Variants in CCDC102B observed in about 807,000 individuals in gnomAD.
CCDC102B encodes coiled-coil domain containing 102B.
Under a neutral mutation model 57.4 loss-of-function variants are expected in CCDC102B, and 75 were observed. The observed-to-expected ratio is 1.31, with a 90% confidence interval of 1.08 to 1.58. The LOEUF is 1.58. Among genes scored for constraint, CCDC102B ranks in the 40% most tolerant of loss-of-function variants. CCDC102B has a pLI of 0.00. For missense variants in CCDC102B, 636 were observed against 582.6 expected (o/e 1.09, Z -0.94); for synonymous variants, 206 against 201.9 (o/e 1.02, Z -0.17).
intron 6 of CCDC102B, among the ~76,000 whole-genome samples, chr18:68,988,904 G>A (rs988389251): frequency 1.3e-5 from 2 of 152,172 alleles, no homozygotes. Flanking sequence ...TGTGTATTGC[G>A]TGGACAACTT....
intron 2 of CCDC102B, among the ~76,000 whole-genome samples, chr18:68,724,696 A>G (rs1231839124): frequency 6.6e-6 from 1 of 152,216 alleles, no homozygotes; most frequent in Non-Finnish European, 1.5e-5. Context: ...AAATTTCTAG[A>G]AAGTTCCAAA....
At chr18:68,790,152 G>T (rs893010863) in intron 2 of CCDC102B, among the ~76,000 whole-genome samples, 12 of 137,226 alleles carry the variant, frequency 8.7e-5, no homozygotes, top group South Asian at 4.7e-4. Flanking sequence ...AGGGGTCAGG[G>T]GTCAGGGACC....
At position 68,811,384 on chromosome 18, in the gene CCDC102B, G is replaced by A. The variant is rs190785885; in HGVS notation, c.-16+13203G>A. ...GCCTGTAATCTCAGCACTTCGTGAG[G>A]TGGGCAGATCACCTGGGATCAGGGG... On this transcript the variant is annotated intron_variant, in intron 1 of 7. Coordinates refer to ENST00000360242, the MANE Select transcript of CCDC102B (RefSeq NM_024781.3). Among the ~76,000 whole-genome samples, 10 of 152,296 alleles carry A rather than the reference G, an allele frequency of 6.6e-5. No individual in the cohort carries two copies. In the South Asian group the frequency reaches 1.4e-3, roughly 22 times the overall value.
At chr18:69,050,666 T>C (rs746918967) in intron 7 of CCDC102B, among the ~76,000 whole-genome samples, 6 of 152,208 alleles carry the variant, frequency 3.9e-5, no homozygotes, top group African/African-American at 4.8e-5. Flanking sequence ...ATTTTAAAGA[T>C]GGAGAGTATT....
chr18:68,865,049 TG>T (rs1221046945), intron 4 of CCDC102B, among the ~76,000 whole-genome samples: 1 of 152,046 alleles, frequency 6.6e-6, no homozygotes, highest in African/African-American at 2.4e-5. Context: ...TGTTTTGCTT[TG>T]TTTTGTTTAT....
At position 68,867,807 on chromosome 18, in the gene CCDC102B, G is replaced by A. The variant is rs907324344; in HGVS notation, c.937-6862G>A. 1.8e-4 allele frequency among the ~76,000 whole-genome samples: 27 copies of A among 147,018 alleles called. 1 individual carries two copies. Among genetic ancestry groups the A allele is most frequent in the Non-Finnish European group, 3.3e-4 (22 of 66,630 alleles). On this transcript the variant is annotated intron_variant, in intron 4 of 7. Transcript: ENST00000360242. ...AAATTAGTCAGGAGTGGTGGCGGGC[G>A]CCTGTAGTCCCAGCTACTCGACAGG...
intron 2 of CCDC102B, among the ~76,000 whole-genome samples, chr18:68,782,992 GA>G (rs2035057936): frequency 6.6e-6 from 1 of 152,098 alleles, no homozygotes; most frequent in Non-Finnish European, 1.5e-5. Context: ...TACATTTAAT[GA>G]GTGTTTACTA....
intron 6 of CCDC102B, chr18:68,992,981 C>A: frequency 6.0e-6 from 1 of 167,532 alleles, no homozygotes. Context: ...CTCAGAGCTG[C>A]ATCCGCTTCT....
chr18:68,866,987 G>A, intron 4 of CCDC102B: 1 of 365,974 alleles, frequency 2.7e-6, no homozygotes. Context: ...GGTTATCTTG[G>A]TTCTTACTGT....
chr18:68,994,683 T>C (rs2050972799), intron 6 of CCDC102B, among the ~76,000 whole-genome samples: 2 of 152,280 alleles, frequency 1.3e-5, no homozygotes, highest in Admixed American at 1.3e-4. Flanking sequence ...AGAAAGTGCT[T>C]TGCTTCCCCT....
intron 5 of CCDC102B, among the ~76,000 whole-genome samples, chr18:68,880,026 T>C (rs981725292): frequency 2.0e-5 from 3 of 152,136 alleles, no homozygotes; most frequent in African/African-American, 7.2e-5. Flanking sequence ...GTCGATGGGA[T>C]TGGGCGCTGT....
At chr18:68,916,091 T>A (rs191240341) in intron 6 of CCDC102B, among the ~76,000 whole-genome samples, 2,134 of 152,296 alleles carry the variant, frequency 0.014, 41 homozygotes, top group African/African-American at 0.048. Context: ...TTTATTCATG[T>A]AGTCAACAAA....
intron 3 of CCDC102B, among the ~76,000 whole-genome samples, chr18:68,839,235 T>C (rs1418469945): frequency 6.6e-6 from 1 of 152,220 alleles, no homozygotes; most frequent in Non-Finnish European, 1.5e-5. Flanking sequence ...GTGTATTATT[T>C]AAGTTTGACA....
intron 6 of CCDC102B, chr18:68,902,162 G>A (rs1229582474): frequency 6.6e-6 from 1 of 152,060 alleles, no homozygotes; most frequent in African/African-American, 2.4e-5. Context: ...TTTCATCTTT[G>A]ATTACATGTT....
chr18:68,752,555 C>G (rs1199577580), intron 2 of CCDC102B, among the ~76,000 whole-genome samples: 2 of 150,574 alleles, frequency 1.3e-5, no homozygotes, highest in Admixed American at 1.3e-4. Context: ...TCCTTGTTCA[C>G]ATCCCCTGCC....
At chr18:68,745,995 C>T (rs1476129309) in intron 2 of CCDC102B, among the ~76,000 whole-genome samples, 1 of 152,126 alleles carries the variant, frequency 6.6e-6, no homozygotes, top group African/African-American at 2.4e-5. Flanking sequence ...CAAGACAGTT[C>T]TCCTGTATTT....
intron 4 of CCDC102B, among the ~76,000 whole-genome samples, chr18:68,862,369 C>T (rs951771198): frequency 6.6e-6 from 1 of 152,106 alleles, no homozygotes; most frequent in Admixed American, 6.6e-5. Flanking sequence ...AGGCACTGAA[C>T]CCTCACTTTA....
At chr18:69,014,474 G>A (rs1236786783) in intron 7 of CCDC102B, among the ~76,000 whole-genome samples, 4 of 152,220 alleles carry the variant, frequency 2.6e-5, no homozygotes, top group Admixed American at 2.0e-4. Flanking sequence ...GTCAGTATAG[G>A]TGCCCTTGCA....
intron 6 of CCDC102B, among the ~76,000 whole-genome samples, chr18:68,952,351 A>G (rs1215532360): frequency 1.3e-5 from 2 of 152,136 alleles, no homozygotes; most frequent in Non-Finnish European, 2.9e-5. Context: ...GGAAACTGTA[A>G]GTTGTCTTGC....
Sources: allele counts gnomAD v4.1 joint callset (sites outside exome capture counted in the v4.1 genomes callset), GRCh38; gene constraint gnomAD v4.1.1; transcripts MANE v1.5; gene names NCBI Gene and HGNC (gene_info 2026-07-23, HGNC 2026-07-21).